CTNNBL1: variants seen among roughly 807,000 people sequenced by gnomAD.
The protein encoded by CTNNBL1 is beta-catenin-like protein 1.
A neutral mutation model predicts 72.7 loss-of-function variants in CTNNBL1; 31 were observed. The ratio of observed to expected loss-of-function variants is 0.43; its 90% CI spans 0.32 to 0.58. The LOEUF is 0.58. CTNNBL1 is among the 20% of genes least tolerant of loss of function. CTNNBL1 has a pLI of 0.08. For synonymous variants in CTNNBL1, 240 were observed against 267.3 expected, an observed-to-expected ratio of 0.90 and a Z score of 1.00; for missense variants, 534 against 725.1, an observed-to-expected ratio of 0.74 and a Z score of 3.03.
At chr20:37,826,955 G>T (rs1370933669) in intron 11 of CTNNBL1, among the ~76,000 whole-genome samples, 1 of 152,174 alleles carries the variant, frequency 6.6e-6, no homozygotes. Context: ...GATACAGAAC[G>T]TTCCCACCAC....
chr20:37,856,026 C>G, intron 13 of CTNNBL1, among the ~76,000 whole-genome samples: 1 of 152,202 alleles, frequency 6.6e-6, no homozygotes, highest in East Asian at 1.9e-4. Context: ...CACCTGAGGT[C>G]AGAGGTTGGA....
In CTNNBL1 at chr20:37,732,905, G is replaced by C. The variant is rs759434390; in HGVS notation, c.57G>C (p.Arg19=). Residue 19 remains arginine, a synonymous_variant, in exon 2 of 16, where the codon CGG becomes CGC. Coordinates refer to ENST00000361383, the MANE Select transcript of CTNNBL1 (RefSeq NM_030877.5). The part of the protein sequence containing the change: ...YQPNRGTKRP[R]DDEEEEQKMR... ...CCAATAGGGGCACAAAACGTCCCCG[G>C]GATGATGAAGAGGAGGAGCAGAAGA... 1.2e-6 allele frequency: 2 copies of C among 1,613,896 alleles called. No individual in the cohort carries two copies. The highest frequency in any genetic ancestry group is 1.7e-6 in the Non-Finnish European group (2 of 1,180,022).
chr20:37,724,414 T>A (rs567193248), intron 1 of CTNNBL1, among the ~76,000 whole-genome samples: 10 of 152,232 alleles, frequency 6.6e-5, no homozygotes, highest in African/African-American at 1.9e-4. Flanking sequence ...TACATTTCCT[T>A]AAGGGGGGAA....
At chr20:37,721,889 C>T (rs1448025221) in intron 1 of CTNNBL1, among the ~76,000 whole-genome samples, 1 of 152,190 alleles carries the variant, frequency 6.6e-6, no homozygotes, top group Admixed American at 6.5e-5. Context: ...CTGGGATAGT[C>T]GTAGAATATA....
intron 13 of CTNNBL1, among the ~76,000 whole-genome samples, chr20:37,854,112 G>A (rs1316602248): frequency 1.3e-5 from 2 of 152,190 alleles, no homozygotes; most frequent in Admixed American, 6.5e-5. Flanking sequence ...GTAGAATGTC[G>A]CATTGAACAT....
intron 15 of CTNNBL1, among the ~76,000 whole-genome samples, chr20:37,865,862 C>T (rs1394716272): frequency 2.0e-5 from 3 of 152,226 alleles, no homozygotes; most frequent in African/African-American, 7.2e-5. Context: ...AAGAATGAGC[C>T]AGAAACTTAA....
chr20:37,746,940 A>G (rs1224285718), intron 4 of CTNNBL1, among the ~76,000 whole-genome samples: 1 of 152,276 alleles, frequency 6.6e-6, no homozygotes, highest in Admixed American at 6.5e-5. Flanking sequence ...GCAAAGCCAG[A>G]CAGATTTGAA....
chr20:37,749,072 A>G (rs960077269), intron 4 of CTNNBL1, among the ~76,000 whole-genome samples: 2 of 152,190 alleles, frequency 1.3e-5, no homozygotes, highest in African/African-American at 4.8e-5. Flanking sequence ...CTACTTAGTG[A>G]CAAGTGTGAA....
chr20:37,769,017 G>A (rs1370363166), intron 7 of CTNNBL1, among the ~76,000 whole-genome samples: 1 of 152,206 alleles, frequency 6.6e-6, no homozygotes, highest in Non-Finnish European at 1.5e-5. Context: ...GATCTCAAGT[G>A]ATCCACCCGC....
intron 11 of CTNNBL1, among the ~76,000 whole-genome samples, chr20:37,814,301 G>A (rs2072035836): frequency 6.6e-6 from 1 of 152,158 alleles, no homozygotes; most frequent in Non-Finnish European, 1.5e-5. Flanking sequence ...GGTGTCAGTA[G>A]TCCTGGCCCC....
chr20:37,694,231 C>A, intron 1 of CTNNBL1, 79 bp downstream of exon 1: 1 of 1,263,456 alleles, frequency 7.9e-7, no homozygotes, highest in Non-Finnish European at 1.1e-6. Context: ...TTTCATCTCA[C>A]CTCCTCTCGC....
intron 10 of CTNNBL1, among the ~76,000 whole-genome samples, chr20:37,788,089 C>G (rs2122708847): frequency 6.6e-6 from 1 of 152,288 alleles, no homozygotes; most frequent in South Asian, 2.1e-4. Context: ...TTAAACTTCT[C>G]TAAGCAGCCA....
rs546654865 is a variant in CTNNBL1, at chr20:37,860,480, G to A, written c.1603+136G>A. ...AGCTTAAGTTGTTGTCCATTTCACTGTGTGTCCAGGTCGTCTTTGTCAGAA... is the reference window on the plus strand; with the variant it reads ...AGCTTAAGTTGTTGTCCATTTCACTATGTGTCCAGGTCGTCTTTGTCAGAA... On this transcript the variant is annotated intron_variant, in intron 15 of 15. Transcript: ENST00000361383. The A allele has an allele frequency of 5.6e-6, 4 of 709,654 alleles. No homozygotes were observed. In the East Asian group the frequency reaches 1.1e-4, roughly 19 times the overall value. 44.0% of individuals were successfully genotyped at this position (709,654 alleles called of 1,614,324 possible). A position where few individuals can be genotyped will look rare whatever the true frequency, so the allele number is the denominator to read the frequency against.
chr20:37,755,893 C>T lies in CTNNBL1; in HGVS notation c.467-1666C>T, dbSNP rs141781201. 6.7e-3 allele frequency among the ~76,000 whole-genome samples: 1,019 copies of T among 152,296 alleles called. 9 individuals are homozygous for T. Among genetic ancestry groups the T allele is most frequent in the Middle Eastern group, 0.027 (8 of 294 alleles). Reference sequence around the variant, plus strand: ...TGCCACCCCCGTCCCTCATGCTCACCGTGCTTTAGTGCGTCCTGCACACAG... The same window carrying T: ...TGCCACCCCCGTCCCTCATGCTCACTGTGCTTTAGTGCGTCCTGCACACAG... On this transcript the variant is annotated intron_variant, in intron 4 of 15. Transcript: ENST00000361383.
At chr20:37,757,465 T>G in intron 4 of CTNNBL1, 94 bp from the exon 5 acceptor site, 1 of 794,282 alleles carries the variant, frequency 1.3e-6, no homozygotes, top group South Asian at 1.7e-5. Flanking sequence ...TAGATGGTGA[T>G]AAAGCAATTG....
At chr20:37,844,809 A>G (rs948613214) in intron 13 of CTNNBL1, among the ~76,000 whole-genome samples, 6 of 152,148 alleles carry the variant, frequency 3.9e-5, no homozygotes, top group African/African-American at 1.4e-4. Context: ...TTAGCTGGGC[A>G]TGATGGCGCA....
intron 13 of CTNNBL1, among the ~76,000 whole-genome samples, chr20:37,850,894 C>T (rs1342698005): frequency 6.6e-6 from 1 of 152,234 alleles, no homozygotes; most frequent in Non-Finnish European, 1.5e-5. Context: ...TCTTTTATGA[C>T]TGTCTCCTTT....
chr20:37,703,581 G>A (rs747299965), intron 1 of CTNNBL1, among the ~76,000 whole-genome samples: 11 of 152,078 alleles, frequency 7.2e-5, no homozygotes, highest in South Asian at 4.2e-4. Flanking sequence ...TTAGTTCACC[G>A]TCCCTGATTA....
Position 37,784,028 on chromosome 20 carries a change from C to G in CTNNBL1, c.1031+4693C>G, listed in dbSNP as rs148071318. On this transcript the variant is annotated intron_variant, in intron 10 of 15. Coordinates refer to ENST00000361383, the MANE Select transcript of CTNNBL1 (RefSeq NM_030877.5). Reference sequence around the variant, plus strand: ...TATTTGCTTTATCTATCTGGGTGCTCCAGTGTTGGGTGCATATATATTTAT... The same window carrying G: ...TATTTGCTTTATCTATCTGGGTGCTGCAGTGTTGGGTGCATATATATTTAT... Among the ~76,000 whole-genome samples the G allele has an allele frequency of 1.6e-3, 241 of 152,152 alleles. 1 individual carries two copies. Among genetic ancestry groups the G allele is most frequent in the African/African-American group, 5.4e-3 (224 of 41,494 alleles).
Sources: allele counts gnomAD v4.1 joint callset (sites outside exome capture counted in the v4.1 genomes callset), GRCh38; gene constraint gnomAD v4.1.1; transcripts MANE v1.5; gene names NCBI Gene and HGNC (gene_info 2026-07-23, HGNC 2026-07-21).